NCAM2: variants seen among roughly 807,000 people sequenced by gnomAD.
NCAM2 encodes N-CAM-2.
A neutral mutation model predicts 98.1 loss-of-function variants in NCAM2; 30 were observed. That is an observed-to-expected ratio of 0.31 (90% CI 0.23 to 0.41). The LOEUF is 0.41. Ranked by LOEUF, NCAM2 falls within the 10% of genes least tolerant of loss-of-function variation. The probability of loss-of-function intolerance (pLI) is 1.00; values close to 1 mark genes in which losing one functional copy is unlikely to be tolerated. For synonymous variants in NCAM2, 368 were observed against 342.4 expected (o/e 1.07, Z -0.83); for missense variants, 867 against 1,005.8 (o/e 0.86, Z 1.87).
At chr21:21,320,996 A>G (rs1487214253) in intron 5 of NCAM2, among the ~76,000 whole-genome samples, 1 of 152,146 alleles carries the variant, frequency 6.6e-6, no homozygotes, top group East Asian at 1.9e-4. Context: ...GAAATAAACT[A>G]ATTTGCTTTT....
chr21:21,033,142 G>A (rs1844205891), intron 1 of NCAM2, among the ~76,000 whole-genome samples: 1 of 151,902 alleles, frequency 6.6e-6, no homozygotes, highest in Non-Finnish European at 1.5e-5. Context: ...GTAGAGACGG[G>A]GTTTCACCAG....
rs1411621306 is a variant in NCAM2, at chr21:21,411,922, G to A, written c.1383+1461G>A. On this transcript the variant is annotated intron_variant, in intron 10 of 17. Coordinates refer to ENST00000400546, the MANE Select transcript of NCAM2 (RefSeq NM_004540.5). ...AAGTTTCTTTGGAAATATTTTAGAA[G>A]AATTAGCTATTTGTGACTTGACAGG... 3.5e-5 allele frequency among the ~76,000 whole-genome samples: 5 copies of A among 143,584 alleles called. No individual in the cohort carries two copies. The East Asian group carries it at 7.8e-4, about 22-fold the overall frequency. The allele number at this position is 143,584 out of a possible 152,430, so 94.2% of individuals were successfully genotyped here.
At chr21:21,154,483 A>C (rs1298221672) in intron 1 of NCAM2, among the ~76,000 whole-genome samples, 3 of 151,902 alleles carry the variant, frequency 2.0e-5, no homozygotes, top group African/African-American at 7.2e-5. Context: ...TTAAAGATGC[A>C]TAATGAACTT....
At chr21:21,177,397 G>T (rs911349330) in intron 1 of NCAM2, among the ~76,000 whole-genome samples, 7 of 151,822 alleles carry the variant, frequency 4.6e-5, no homozygotes, top group South Asian at 2.1e-4. Context: ...CAGATGTCTA[G>T]AAACATACTA....
intron 14 of NCAM2, among the ~76,000 whole-genome samples, chr21:21,473,550 T>C (rs1226350491): frequency 6.6e-6 from 1 of 151,528 alleles, no homozygotes; most frequent in African/African-American, 2.4e-5. Context: ...TTTATATACA[T>C]ACAAAATCTT....
rs558432192 is a variant in NCAM2, at chr21:21,449,605, C to G, written c.1655-17001C>G. 5.9e-5 allele frequency among the ~76,000 whole-genome samples: 9 copies of G among 151,910 alleles called. No individual in the cohort carries two copies. The East Asian group carries it at 1.4e-3, about 23-fold the overall frequency. ...ATTTTTGAAATTATGCCAACATATA[C>G]TATTGTATTAAACATTATTTAACTT... On this transcript the variant is annotated intron_variant, in intron 12 of 17. Coordinates refer to ENST00000400546, the MANE Select transcript of NCAM2 (RefSeq NM_004540.5).
chr21:21,352,536 C>T (rs1381446133), intron 8 of NCAM2, among the ~76,000 whole-genome samples: 4 of 151,936 alleles, frequency 2.6e-5, no homozygotes, highest in African/African-American at 7.2e-5. Context: ...AAGTGTCACA[C>T]AATTAAAGCT....
At chr21:21,307,265 A>T (rs529230501) in intron 5 of NCAM2, among the ~76,000 whole-genome samples, 1 of 152,154 alleles carries the variant, frequency 6.6e-6, no homozygotes, top group African/African-American at 2.4e-5. Context: ...TGTCTTGTTA[A>T]CTATAACTCG....
At chr21:21,137,755 T>A (rs1601470431) in intron 1 of NCAM2, among the ~76,000 whole-genome samples, 1 of 152,070 alleles carries the variant, frequency 6.6e-6, no homozygotes. Context: ...CGAAACTCCA[T>A]TAAAAAAAAT....
At chr21:21,218,741 C>T (rs1568786425) in intron 1 of NCAM2, among the ~76,000 whole-genome samples, 1 of 152,146 alleles carries the variant, frequency 6.6e-6, no homozygotes, top group Non-Finnish European at 1.5e-5. Flanking sequence ...GCCCTGCTGG[C>T]ACTTTAATTT....
intron 15 of NCAM2, among the ~76,000 whole-genome samples, chr21:21,479,500 A>C (rs1389629129): frequency 7.0e-5 from 10 of 143,078 alleles, no homozygotes; most frequent in Non-Finnish European, 1.5e-4. Context: ...AGGAGAATGG[A>C]GTGGACCCGG....
chr21:21,506,287 T>A (rs1183732182), intron 15 of NCAM2, among the ~76,000 whole-genome samples: 2 of 152,138 alleles, frequency 1.3e-5, no homozygotes, highest in Non-Finnish European at 2.9e-5. Flanking sequence ...GTGCAACATA[T>A]CTAAAATGAA....
intron 1 of NCAM2, among the ~76,000 whole-genome samples, chr21:21,097,493 T>A (rs753740809): frequency 2.0e-5 from 3 of 151,710 alleles, no homozygotes; most frequent in Non-Finnish European, 4.4e-5. Flanking sequence ...AACTACATAT[T>A]TTTTTAACAG....
Position 21,542,363 on chromosome 21 carries a change from A to AT in NCAM2, c.*4407dup, listed in dbSNP as rs1399663215. On this transcript the variant is annotated 3_prime_UTR_variant, in exon 18 of 18. Coordinates refer to ENST00000400546, the MANE Select transcript of NCAM2 (RefSeq NM_004540.5). ...TGCTAAATATTTATTTGATAACACA[A>AT]TATTCTTAGAAAAATAGTTTATTAC... is the stretch of plus-strand genomic sequence containing the variant. 6.6e-6 allele frequency: 1 copy of AT among 151,736 alleles called. No individual in the cohort carries two copies. The highest frequency in any genetic ancestry group is 1.5e-5 in the Non-Finnish European group (1 of 67,816). The allele number at this position is 151,736 out of a possible 1,614,324, so 9.4% of individuals were successfully genotyped here. A position where few individuals can be genotyped will look rare whatever the true frequency, so the allele number is the denominator to read the frequency against.
At chr21:21,460,131 T>G (rs1462629918) in intron 12 of NCAM2, among the ~76,000 whole-genome samples, 1 of 151,900 alleles carries the variant, frequency 6.6e-6, no homozygotes, top group Non-Finnish European at 1.5e-5. Context: ...GTAATATCAT[T>G]TTTCTTATTT....
chr21:21,308,843 CT>C (rs1002056429), intron 5 of NCAM2, among the ~76,000 whole-genome samples: 5 of 151,726 alleles, frequency 3.3e-5, no homozygotes, highest in African/African-American at 7.3e-5. Context: ...ATTTTCTTTC[CT>C]TTTTTTCCTT....
At chr21:21,421,891 C>T (rs1268415558) in intron 11 of NCAM2, among the ~76,000 whole-genome samples, 1 of 152,170 alleles carries the variant, frequency 6.6e-6, no homozygotes, top group Non-Finnish European at 1.5e-5. Context: ...ATTACTTTTT[C>T]AGCATTCAGA....
intron 1 of NCAM2, among the ~76,000 whole-genome samples, chr21:21,071,900 T>G (rs1453372442): frequency 6.6e-6 from 1 of 150,518 alleles, no homozygotes; most frequent in Non-Finnish European, 1.5e-5. Flanking sequence ...TCTATCTATC[T>G]ATCTATCTAT....
At chr21:21,341,608 G>GT (rs1568955004) in intron 8 of NCAM2, among the ~76,000 whole-genome samples, 1 of 151,708 alleles carries the variant, frequency 6.6e-6, no homozygotes, top group Non-Finnish European at 1.5e-5. Context: ...ATGTCGTGTA[G>GT]TAAAAACTAA....
Sources: allele counts gnomAD v4.1 joint callset (sites outside exome capture counted in the v4.1 genomes callset), GRCh38; gene constraint gnomAD v4.1.1; transcripts MANE v1.5; gene names NCBI Gene and HGNC (gene_info 2026-07-23, HGNC 2026-07-21).